LCORL: variants seen among roughly 807,000 people sequenced by gnomAD.
LCORL encodes ligand dependent nuclear receptor corepressor like.
LCORL carries 41 observed loss-of-function variants against 141.8 expected under a neutral mutation model. The observed-to-expected ratio is 0.29, with a 90% confidence interval of 0.23 to 0.38. The LOEUF is 0.38. Ranked by LOEUF, LCORL falls within the 10% of genes least tolerant of loss-of-function variation. The pLI is 1.00. For synonymous variants in LCORL, 618 were observed against 694.1 expected, an observed-to-expected ratio of 0.89 and a Z score of 1.72; for missense variants, 1,759 against 2,035.0, an observed-to-expected ratio of 0.86 and a Z score of 2.61.
chr4:17,854,984 G>A (rs951429669), intron 7 of LCORL, among the ~76,000 whole-genome samples: 2 of 152,192 alleles, frequency 1.3e-5, no homozygotes, highest in African/African-American at 2.4e-5. Context: ...CTGGTGCATA[G>A]TGTGTGCTTA....
intron 4 of LCORL, among the ~76,000 whole-genome samples, chr4:17,948,507 A>G (rs1330521505): frequency 6.6e-6 from 1 of 152,080 alleles, no homozygotes; most frequent in Non-Finnish European, 1.5e-5. Context: ...AGTGTTATAC[A>G]TATTACCTCC....
At chr4:17,895,390 G>C (rs1560303619) in intron 5 of LCORL, among the ~76,000 whole-genome samples, 2 of 151,828 alleles carry the variant, frequency 1.3e-5, no homozygotes, top group East Asian at 3.9e-4. Context: ...TTCCACATGA[G>C]TGACAAATAC....
exon 7 of LCORL, chr4:17,877,078 C>G: frequency 8.1e-7 from 1 of 1,230,612 alleles, no homozygotes. Context: ...AAATTTTCAT[C>G]AAGACTAGCA....
At chr4:17,915,162 C>T (rs1371972823) in intron 4 of LCORL, among the ~76,000 whole-genome samples, 1 of 152,094 alleles carries the variant, frequency 6.6e-6, no homozygotes, top group East Asian at 1.9e-4. Context: ...TCATCTCTCT[C>T]TCTCTCATCA....
chr4:17,895,352 T>C (rs1294184572), intron 5 of LCORL, among the ~76,000 whole-genome samples: 1 of 152,106 alleles, frequency 6.6e-6, no homozygotes, highest in Non-Finnish European at 1.5e-5. Flanking sequence ...TTCTACTCTC[T>C]ACTTCTATGA....
At chr4:17,907,264 G>T (rs959785852) in intron 5 of LCORL, among the ~76,000 whole-genome samples, 1 of 152,140 alleles carries the variant, frequency 6.6e-6, no homozygotes, top group Non-Finnish European at 1.5e-5. Context: ...TGAGGAACGG[G>T]GGGTAGACAG....
intron 4 of LCORL, among the ~76,000 whole-genome samples, chr4:17,949,264 A>G (rs1739356865): frequency 6.6e-6 from 1 of 152,120 alleles, no homozygotes; most frequent in Non-Finnish European, 1.5e-5. Context: ...TCTCCTTCTC[A>G]GCCATAGTGA....
intron 5 of LCORL, among the ~76,000 whole-genome samples, chr4:17,895,426 T>A (rs1729767360): frequency 6.6e-6 from 1 of 152,206 alleles, no homozygotes; most frequent in Non-Finnish European, 1.5e-5. Context: ...CCTACTGTGC[T>A]GGACTTATTT....
rs374018822 is a variant in LCORL at position 17,977,456 on chromosome 4, T to C, written c.155-4571A>G. On this transcript the variant is annotated intron_variant, in intron 1 of 7. Coordinates refer to ENST00000635767, the Ensembl canonical transcript of LCORL. ...TTGCTTTCTTCTAAAAAAATAATAA[T>C]AAAAAACAGTGATTTGTAGAAAACA... 1.8e-4 allele frequency among the ~76,000 whole-genome samples: 28 copies of C among 152,256 alleles called. No homozygotes were observed. The East Asian group carries it at 5.0e-3, about 27-fold the overall frequency.
chr4:17,911,757 G>T, intron 4 of LCORL: 1 of 462,406 alleles, frequency 2.2e-6, no homozygotes, highest in South Asian at 1.8e-5. Flanking sequence ...GTGCCTGGCT[G>T]GTCAGCAGCG....
intron 7 of LCORL, among the ~76,000 whole-genome samples, chr4:17,847,518 C>A (rs554409532): frequency 6.6e-6 from 1 of 152,236 alleles, no homozygotes; most frequent in Admixed American, 6.5e-5. Context: ...AGATACTAGA[C>A]AAAATGACAA....
chr4:17,968,730 A>C (rs1419722763), intron 2 of LCORL, among the ~76,000 whole-genome samples: 1 of 152,238 alleles, frequency 6.6e-6, no homozygotes, highest in Middle Eastern at 3.2e-3. Context: ...GAGTGAGACT[A>C]TGTCCAATAA....
At chr4:17,918,616 A>C (rs2109362709) in intron 4 of LCORL, among the ~76,000 whole-genome samples, 1 of 152,314 alleles carries the variant, frequency 6.6e-6, no homozygotes, top group South Asian at 2.1e-4. Flanking sequence ...CAGAAAAAAG[A>C]ACCAATCAAC....
intron 1 of LCORL, chr4:18,020,846 G>A (rs1463109667): frequency 6.6e-6 from 1 of 152,344 alleles, no homozygotes; most frequent in African/African-American, 2.4e-5. Flanking sequence ...GGGGGGGAGG[G>A]TGTCGTTGCC....
chr4:18,021,795 AGGCACGAGGCAGGGGCGCGAGCCCTC>A lies in LCORL; in HGVS notation c.-70_-45del, dbSNP rs1481394549. The A allele has an allele frequency of 6.9e-7, 1 of 1,439,446 alleles. No homozygotes were observed. The highest frequency in any genetic ancestry group is 9.0e-7 in the Non-Finnish European group (1 of 1,105,056). The allele number at this position is 1,439,446 out of a possible 1,614,324, so 89.2% of individuals were successfully genotyped here. On this transcript the variant is annotated 5_prime_UTR_variant, in exon 1 of 8. Transcript: ENST00000635767. The surrounding 1 kb of genome is among the most constrained non-coding windows in gnomAD (Gnocchi z 5.5). ...GCCCTCATTTACATACGAGCAGCGC[AGGCACGAGGCAGGGGCGCGAGCCCTC>A]GGCGCGAGCCCCGGAGCGCGCGCCC...
In LCORL at chr4:17,953,197, C is replaced by A. The variant is rs148822665; in HGVS notation, c.430+8706G>T. 5.7e-3 allele frequency among the ~76,000 whole-genome samples: 875 copies of A among 152,270 alleles called. 11 individuals are homozygous for A. Among genetic ancestry groups the A allele is most frequent in the African/African-American group, 0.019 (803 of 41,544 alleles). On this transcript the variant is annotated intron_variant, in intron 4 of 7. Coordinates refer to ENST00000635767, the Ensembl canonical transcript of LCORL. ...GCCTTTGCTATTGTGAATAGTCCTG[C>A]AATGAACATATGTATGCATGGGCCT...
intron 4 of LCORL, among the ~76,000 whole-genome samples, chr4:17,946,639 T>C (rs972452951): frequency 1.3e-5 from 2 of 151,868 alleles, no homozygotes; most frequent in Admixed American, 6.6e-5. Context: ...AATGACAAAA[T>C]AGTATCTAAA....
At chr4:17,870,588 A>C (rs898720144) in intron 7 of LCORL, among the ~76,000 whole-genome samples, 4 of 152,154 alleles carry the variant, frequency 2.6e-5, no homozygotes, top group African/African-American at 7.2e-5. Context: ...GGAACATATA[A>C]GAGCAACAAC....
At chr4:17,967,745 C>T (rs1165264513) in intron 2 of LCORL, among the ~76,000 whole-genome samples, 2 of 152,282 alleles carry the variant, frequency 1.3e-5, no homozygotes, top group African/African-American at 2.4e-5. Context: ...GATGAATATA[C>T]TCAGGTAAGT....
Sources: allele counts gnomAD v4.1 joint callset (sites outside exome capture counted in the v4.1 genomes callset), GRCh38; gene constraint gnomAD v4.1.1; non-coding constraint Gnocchi (gnomAD v3.1); transcripts MANE v1.5; gene names NCBI Gene and HGNC (gene_info 2026-07-23, HGNC 2026-07-21).